COL25A1: variants seen among roughly 807,000 people sequenced by gnomAD.
COL25A1 encodes collagen alpha-1(XXV) chain.
Under a neutral mutation model 128.4 loss-of-function variants are expected in COL25A1, and 103 were observed. The ratio of observed to expected loss-of-function variants is 0.80; its 90% CI spans 0.68 to 0.94. COL25A1 has a LOEUF of 0.94. Among genes scored for constraint, COL25A1 ranks in the 40% least tolerant of loss-of-function variants. COL25A1 has a pLI of 0.00. For missense variants in COL25A1, 745 were observed against 840.0 expected (o/e 0.89, Z 1.40); for synonymous variants, 279 against 277.2 (o/e 1.01, Z -0.06).
chr4:109,065,184 C>T (rs1285021353), intron 3 of COL25A1, among the ~76,000 whole-genome samples: 1 of 152,164 alleles, frequency 6.6e-6, no homozygotes. Context: ...TGCAGGCACA[C>T]AAATCCCTCT....
intron 3 of COL25A1, among the ~76,000 whole-genome samples, chr4:109,299,021 A>C (rs1333041602): frequency 2.0e-5 from 3 of 152,242 alleles, no homozygotes; most frequent in Non-Finnish European, 4.4e-5. Flanking sequence ...GCTAGCCTAC[A>C]TTAAACATCA....
At chr4:109,012,569 G>A (rs892388248) in intron 5 of COL25A1, among the ~76,000 whole-genome samples, 37 of 152,256 alleles carry the variant, frequency 2.4e-4, no homozygotes, top group Non-Finnish European at 4.6e-4. Flanking sequence ...CACTTGGAGC[G>A]GCCGGCCAGC....
intron 3 of COL25A1, among the ~76,000 whole-genome samples, chr4:109,179,859 A>G (rs1165903739): frequency 3.3e-5 from 5 of 152,244 alleles, no homozygotes; most frequent in Admixed American, 2.0e-4. Context: ...AATGCTTCAC[A>G]TATGAAATCA....
chr4:109,256,268 A>C (rs1246931631), intron 3 of COL25A1, among the ~76,000 whole-genome samples: 1 of 152,132 alleles, frequency 6.6e-6, no homozygotes, highest in Non-Finnish European at 1.5e-5. Context: ...CAGAAAATGT[A>C]TGGACAGTTA....
chr4:108,988,891 T>C (rs1014560394), intron 6 of COL25A1, among the ~76,000 whole-genome samples: 6 of 152,174 alleles, frequency 3.9e-5, no homozygotes, highest in Middle Eastern at 3.2e-3. Context: ...CTGCAATTCA[T>C]AATTAACCCT....
At chr4:109,153,102 T>G (rs542411160) in intron 3 of COL25A1, among the ~76,000 whole-genome samples, 1 of 152,150 alleles carries the variant, frequency 6.6e-6, no homozygotes, top group African/African-American at 2.4e-5. Flanking sequence ...AAAAGTACTC[T>G]GGGCCGGGCG....
At chr4:108,973,770 C>T (rs1042059555) in intron 8 of COL25A1, among the ~76,000 whole-genome samples, 1 of 152,144 alleles carries the variant, frequency 6.6e-6, no homozygotes, top group African/African-American at 2.4e-5. Context: ...AAAGCATTCA[C>T]CATTGTGTTA....
intron 8 of COL25A1, among the ~76,000 whole-genome samples, chr4:108,962,320 T>C (rs545186887): frequency 6.6e-6 from 1 of 152,100 alleles, no homozygotes; most frequent in East Asian, 1.9e-4. Flanking sequence ...CCCAAGTAGC[T>C]GGGACTATAG....
chr4:109,249,682 G>A (rs1780517213), intron 3 of COL25A1, among the ~76,000 whole-genome samples: 1 of 152,094 alleles, frequency 6.6e-6, no homozygotes, highest in African/African-American at 2.4e-5. Context: ...ACCTACTTAA[G>A]CTTTCTAGAT....
chr4:109,038,669 A>G (rs1759578705), intron 5 of COL25A1, among the ~76,000 whole-genome samples: 1 of 152,214 alleles, frequency 6.6e-6, no homozygotes, highest in Non-Finnish European at 1.5e-5. Context: ...CAATGAGAAG[A>G]GTTTGGTGGC....
chr4:108,991,021 A>T (rs1476704929), intron 6 of COL25A1, among the ~76,000 whole-genome samples: 2 of 152,214 alleles, frequency 1.3e-5, no homozygotes, highest in Non-Finnish European at 1.5e-5. Flanking sequence ...AATTATCATT[A>T]AATCTGAATG....
At position 109,301,689 on chromosome 4, in the gene COL25A1, T is replaced by C. The variant is rs4464631; in HGVS notation, c.297+34A>G. On this transcript the variant is annotated intron_variant, in intron 2 of 37. Coordinates refer to ENST00000399132, the MANE Select transcript of COL25A1 (RefSeq NM_198721.4). ...CACAGAGTCACGCTTGTACAAGATGTTACCCACGTGCAAAATACCCCAGCC... is the reference window on the plus strand; with the variant it reads ...CACAGAGTCACGCTTGTACAAGATGCTACCCACGTGCAAAATACCCCAGCC... 0.01 allele frequency: 16,402 copies of C among 1,593,872 alleles called. 815 individuals carry two copies. The South Asian group carries it at 0.11, about 11-fold the overall frequency.
At chr4:109,096,152 A>G (rs1765381486) in intron 3 of COL25A1, among the ~76,000 whole-genome samples, 1 of 152,216 alleles carries the variant, frequency 6.6e-6, no homozygotes, top group South Asian at 2.1e-4. Flanking sequence ...ATAGCAAAAT[A>G]ATGTATTGCC....
intron 3 of COL25A1, among the ~76,000 whole-genome samples, chr4:109,052,880 A>G (rs1761118121): frequency 6.6e-6 from 1 of 152,210 alleles, no homozygotes; most frequent in South Asian, 2.1e-4. Flanking sequence ...TTTTCATTCC[A>G]AAGTGAGTGA....
intron 3 of COL25A1, among the ~76,000 whole-genome samples, chr4:109,072,754 C>A (rs1763075386): frequency 6.6e-6 from 1 of 152,192 alleles, no homozygotes; most frequent in East Asian, 1.9e-4. Context: ...TCCACTCTCA[C>A]CAAGATGTCT....
chr4:108,913,989 A>T (rs2125888561), intron 13 of COL25A1, among the ~76,000 whole-genome samples: 1 of 152,346 alleles, frequency 6.6e-6, no homozygotes, highest in African/African-American at 2.4e-5. Context: ...AATGTTAATT[A>T]TATGTTTAAA....
At chr4:109,056,883 TG>T (rs1761493788) in intron 3 of COL25A1, among the ~76,000 whole-genome samples, 1 of 152,162 alleles carries the variant, frequency 6.6e-6, no homozygotes, top group Non-Finnish European at 1.5e-5. Context: ...CTGATGACAG[TG>T]TAAGTGGTGT....
At chr4:109,219,363 G>GT (rs1294626202) in intron 3 of COL25A1, among the ~76,000 whole-genome samples, 1 of 152,026 alleles carries the variant, frequency 6.6e-6, no homozygotes, top group African/African-American at 2.4e-5. Context: ...TTCTGAGGCA[G>GT]TTTCTACCAA....
At chr4:108,918,321 A>ACCTT in intron 12 of COL25A1, 105 bp from the exon 13 acceptor site, 1 of 756,474 alleles carries the variant, frequency 1.3e-6, no homozygotes, top group Non-Finnish European at 2.1e-6. Context: ...CATTTCTAGG[A>ACCTT]AGTCTTATTT....
Sources: gnomAD v4.1 joint callset for allele counts (sites outside exome capture counted in the v4.1 genomes callset) on GRCh38, gnomAD v4.1.1 for gene constraint, MANE v1.5 for transcripts, NCBI Gene and HGNC (gene_info 2026-07-23, HGNC 2026-07-21) for gene names.